The following STARD9 variants were observed in gnomAD, a reference collection of about 807,000 sequenced individuals.
The protein encoded by STARD9 is stAR-related lipid transfer protein 9.
A neutral mutation model predicts 399.8 loss-of-function variants in STARD9; 346 were observed. That is an observed-to-expected ratio of 0.87 (90% confidence interval 0.79 to 0.95). The LOEUF (loss-of-function observed/expected upper bound fraction) is 0.95, where lower values mean the gene tolerates loss of function less well. STARD9 is among the 40% of genes least tolerant of loss of function. The pLI, the probability that STARD9 is intolerant of heterozygous loss-of-function variation, is 0.00. For synonymous variants in STARD9, 2,203 were observed against 2,143.5 expected (o/e 1.03, Z -0.77); for missense variants, 5,832 against 5,667.5 (o/e 1.03, Z -0.93).
chr15:42,624,664 C>T (rs981159063), intron 3 of STARD9, among the ~76,000 whole-genome samples: 1 of 151,414 alleles, frequency 6.6e-6, no homozygotes, highest in Non-Finnish European at 1.5e-5. Context: ...TTCTTCTGCC[C>T]AAGCCTCCCA....
rs1214373164 is a variant in STARD9, at chr15:42,638,810, A to C, written c.557A>C (p.Gln186Pro). 72 of 1,520,708 alleles carry C rather than the reference A, an allele frequency of 4.7e-5. No individual in the cohort carries two copies. The highest frequency in any genetic ancestry group is 6.1e-5 in the Non-Finnish European group (69 of 1,134,986). 94.2% of individuals were successfully genotyped at this position (1,520,708 alleles called of 1,614,324 possible). ...REHPEMGPYV[Q>P]GLSQHVVTNY... ...CATCCAGAGATGGGGCCCTATGTAC[A>C]AGGTGAGCTACTGTGGTCCTGGAGA... Residue 186 changes from glutamine to proline, a missense_variant and splice_region_variant, in exon 7 of 33, where the codon CAA (glutamine) becomes CCA (proline). This residue lies in a region of STARD9 where 5,828 missense variants were observed against 5,651.1 expected (regional missense o/e 1.03). Coordinates refer to ENST00000290607, the MANE Select transcript of STARD9 (RefSeq NM_020759.3).
At position 42,717,995 on chromosome 15, in the gene STARD9, G is replaced by C; in HGVS notation, c.13578G>C (p.Gln4526His). The change falls in exon 30 of 33, where the codon CAG becomes CAC. Residue 4526 changes from glutamine to histidine, a missense_variant. By Grantham distance (24) the Gln-to-His change is conservative. Coordinates refer to ENST00000290607, the MANE Select transcript of STARD9 (RefSeq NM_020759.3). ...CCCCCAGCTATCAGGGTGAGGAGCA[G>C]GCGGTGCAGCTTTACTACAAGGTGT... The part of the protein sequence containing the change: ...TAGWNYQGEE[Q>H]AVQLYYKVFS... 1 of 1,537,212 alleles carries C rather than the reference G, an allele frequency of 6.5e-7. No homozygotes were observed.
chr15:42,660,743 G>C (rs1454421564), intron 9 of STARD9, among the ~76,000 whole-genome samples: 1 of 152,144 alleles, frequency 6.6e-6, no homozygotes, highest in Admixed American at 6.5e-5. Context: ...AAGTTAAGGT[G>C]CTGTGACTGA....
intron 3 of STARD9, among the ~76,000 whole-genome samples, chr15:42,590,691 G>A (rs995156331): frequency 6.6e-6 from 1 of 152,190 alleles, no homozygotes; most frequent in Non-Finnish European, 1.5e-5. Context: ...GCCAGTATCT[G>A]CTGTTGCTGA....
chr15:42,679,750 G>T (rs2060387784), intron 20 of STARD9, among the ~76,000 whole-genome samples: 1 of 152,194 alleles, frequency 6.6e-6, no homozygotes. Flanking sequence ...GCCCTAGACA[G>T]TACGTAAATA....
chr15:42,626,022 A>G (rs1270173642), intron 3 of STARD9, among the ~76,000 whole-genome samples: 1 of 151,942 alleles, frequency 6.6e-6, no homozygotes, highest in Non-Finnish European at 1.5e-5. Flanking sequence ...CCTAAGTTCG[A>G]GTTATTCTCC....
At chr15:42,647,159 C>T (rs2059662672) in intron 7 of STARD9, among the ~76,000 whole-genome samples, 1 of 152,138 alleles carries the variant, frequency 6.6e-6, no homozygotes, top group African/African-American at 2.4e-5. Context: ...TGTAGCCTAG[C>T]ACATTGGCCA....
chr15:42,593,934 C>T (rs1652444190), intron 3 of STARD9, among the ~76,000 whole-genome samples: 1 of 151,824 alleles, frequency 6.6e-6, no homozygotes, highest in Admixed American at 6.6e-5. Flanking sequence ...TCCCAAAGTT[C>T]TGGGATTACA....
chr15:42,688,098 G>A lies in STARD9; in HGVS notation c.6520G>A (p.Asp2174Asn), dbSNP rs1254749041. ...AGAGCACACCCACCCAGCTGGATCG[G>A]ACAGACCTGCCAGGGATATTTGTGA... ...VREHTHPAGS[D>N]RPARDICDSL... The change falls in exon 23 of 33, where the codon GAC (aspartate) becomes AAC (asparagine). Residue 2174 changes from aspartate (D) to asparagine (N), a missense_variant. By Grantham distance (23) the Asp-to-Asn change is conservative. Around this residue, in one of 2 missense-constraint regions of STARD9, gnomAD observed 5,828 missense variants for 5,651.1 expected, o/e 1.03. Coordinates refer to ENST00000290607, the MANE Select transcript of STARD9 (RefSeq NM_020759.3). The A allele has an allele frequency of 3.3e-6, 5 of 1,537,238 alleles. No individual in the cohort carries two copies. In the Admixed American group the frequency reaches 9.8e-5, roughly 30 times the overall value.
intron 3 of STARD9, among the ~76,000 whole-genome samples, chr15:42,609,484 G>GA (rs2058805391): frequency 6.6e-6 from 1 of 151,022 alleles, no homozygotes; most frequent in South Asian, 2.1e-4. Context: ...TCTGTCACCA[G>GA]GCTGGGGTAC....
chr15:42,612,816 T>G (rs370798800), intron 3 of STARD9, among the ~76,000 whole-genome samples: 49 of 152,166 alleles, frequency 3.2e-4, no homozygotes, highest in African/African-American at 1.2e-3. Flanking sequence ...AAACCCCGTC[T>G]CTGCTAAAAG....
chr15:42,635,003 G>A (rs1192547773), intron 4 of STARD9, 31 bp downstream of exon 4: 35 of 1,235,874 alleles, frequency 2.8e-5, no homozygotes, highest in Non-Finnish European at 3.6e-5. Context: ...TATTCCTAAT[G>A]CCACAGCAAG....
chr15:42,587,669 G>A (rs540172112), intron 3 of STARD9, among the ~76,000 whole-genome samples: 12 of 152,282 alleles, frequency 7.9e-5, no homozygotes, highest in African/African-American at 2.9e-4. Context: ...GGGTTCAAGC[G>A]ATTCTCCTGC....
rs1243673518 is a variant in STARD9, at chr15:42,685,085, C to T, written c.3507C>T (p.Thr1169=). The T allele has an allele frequency of 6.5e-7, 1 of 1,537,074 alleles. No individual in the cohort carries two copies. Among genetic ancestry groups the T allele is most frequent in the East Asian group, 2.4e-5 (1 of 40,910 alleles). ...ACAGGCTAGGGGGCAATCGTCCCAC[C>T]AACAACCGTGGCCAACCCAGGACCA... ...PKNRLGGNRP[T]NNRGQPRTRT... is the part of the protein sequence containing the mutation. Residue 1169 remains threonine, a synonymous_variant, in exon 23 of 33, where the codon ACC becomes ACT. Transcript: ENST00000290607.
intron 17 of STARD9, 23 bp from the exon 18 acceptor site, chr15:42,674,804 A>G: frequency 6.6e-7 from 1 of 1,504,376 alleles, no homozygotes; most frequent in Non-Finnish European, 8.8e-7. Flanking sequence ...CTCCCACCCA[A>G]GTGACCACCA....
At chr15:42,645,463 G>T (rs539505032) in intron 7 of STARD9, among the ~76,000 whole-genome samples, 38 of 152,232 alleles carry the variant, frequency 2.5e-4, no homozygotes, top group Non-Finnish European at 4.0e-4. Context: ...GTTCTCAACA[G>T]TGGGCTTACT....
At chr15:42,662,667 A>G in intron 10 of STARD9, 127 bp from the exon 11 acceptor site, 1 of 566,962 alleles carries the variant, frequency 1.8e-6, no homozygotes, top group East Asian at 3.1e-5. Context: ...ACTGAATTCT[A>G]AAAGGAATTT....
At position 42,638,726 on chromosome 15, in the gene STARD9, T is replaced by C; in HGVS notation, c.473T>C (p.Val158Ala). The change falls in exon 7 of 33, where the codon GTG (valine) becomes GCG (alanine). Residue 158 changes from valine (V) to alanine (A), a missense_variant. Val to Ala is a moderately conservative substitution (Grantham distance 64). This residue lies in a region of STARD9 where 5,828 missense variants were observed against 5,651.1 expected (regional missense o/e 1.03). Transcript: ENST00000290607. ...VSFLEIYNERVRDLLKQSGQK... is the reference protein window; with the variant it reads ...VSFLEIYNERARDLLKQSGQK... ...TTTCTAGAAATCTATAATGAACGGG[T>C]GCGGGATCTGTTGAAGCAATCTGGT... 2 of 1,536,348 alleles carry C rather than the reference T, an allele frequency of 1.3e-6. No individual in the cohort carries two copies. The highest frequency in any genetic ancestry group is 3.9e-5 in the Admixed American group (2 of 50,938).
Position 42,690,395 on chromosome 15 carries a change from T to G in STARD9, c.8817T>G (p.Thr2939=), listed in dbSNP as rs2060662833. 6.5e-6 allele frequency: 10 copies of G among 1,537,104 alleles called. No individual in the cohort carries two copies. The highest frequency in any genetic ancestry group is 8.7e-6 in the Non-Finnish European group (10 of 1,146,904). Residue 2939 remains threonine, a synonymous_variant, in exon 23 of 33, where the codon ACT becomes ACG. Transcript: ENST00000290607. ...CAAGGAACCCTGAAGGCAGCAGGACTCTCAGCCCGTCTAGAGGGAAAGAGA... is the reference window on the plus strand; with the variant it reads ...CAAGGAACCCTGAAGGCAGCAGGACGCTCAGCCCGTCTAGAGGGAAAGAGA... ...VFSRNPEGSR[T]LSPSRGKESR...
Sources: gnomAD v4.1 joint callset for allele counts (sites outside exome capture counted in the v4.1 genomes callset) on GRCh38, gnomAD v4.1.1 for gene constraint, gnomAD v4.1.1 regional missense constraint, MANE v1.5 for transcripts, NCBI Gene and HGNC (gene_info 2026-07-23, HGNC 2026-07-21) for gene names.